The following RAPGEF4 variants were observed in gnomAD, a reference collection of about 807,000 sequenced individuals.
The protein encoded by RAPGEF4 is Rap guanine nucleotide exchange factor 4, also known as RAP guanine-nucleotide-exchange factor (GEF) 4.
RAPGEF4 carries 66 observed loss-of-function variants against 147.9 expected under a neutral mutation model. The ratio of observed to expected loss-of-function variants is 0.45; its 90% CI spans 0.37 to 0.55. The LOEUF (loss-of-function observed/expected upper bound fraction) is 0.55. RAPGEF4 is among the 20% of genes least tolerant of loss of function. RAPGEF4 has a pLI of 0.00. For synonymous variants in RAPGEF4, 419 were observed against 442.7 expected, an observed-to-expected ratio of 0.95 and a Z score of 0.67; for missense variants, 1,071 against 1,257.3, an observed-to-expected ratio of 0.85 and a Z score of 2.24.
At chr2:173,025,615 G>C (rs1393130408) in intron 23 of RAPGEF4, among the ~76,000 whole-genome samples, 1 of 152,082 alleles carries the variant, frequency 6.6e-6, no homozygotes, top group African/African-American at 2.4e-5. Context: ...GCTAATTTTT[G>C]TATTTTCAGT....
intron 1 of RAPGEF4, among the ~76,000 whole-genome samples, chr2:172,774,856 A>G (rs562647345): frequency 4.0e-4 from 61 of 152,336 alleles, no homozygotes; most frequent in African/African-American, 1.4e-3. Flanking sequence ...CATGCTAGAC[A>G]TGTACCAGTA....
intron 3 of RAPGEF4, among the ~76,000 whole-genome samples, chr2:172,800,303 C>T (rs1686839786): frequency 1.3e-5 from 2 of 152,180 alleles, no homozygotes; most frequent in South Asian, 2.1e-4. Flanking sequence ...CCCAGCTTTC[C>T]AGCCAGTTCT....
intron 4 of RAPGEF4, among the ~76,000 whole-genome samples, chr2:172,852,847 A>G (rs1693011994): frequency 6.6e-6 from 1 of 152,104 alleles, no homozygotes; most frequent in African/African-American, 2.4e-5. Context: ...AATGTTGTCA[A>G]ATGCTGTTTC....
At chr2:172,947,581 C>CT (rs1325512294) in intron 6 of RAPGEF4, among the ~76,000 whole-genome samples, 1 of 152,110 alleles carries the variant, frequency 6.6e-6, no homozygotes, top group Non-Finnish European at 1.5e-5. Flanking sequence ...TATGCATTCT[C>CT]TTTTTTCCTT....
In RAPGEF4 at chr2:172,929,429, A is replaced by G. The variant is rs1319521308; in HGVS notation, c.537+7129A>G. Among the ~76,000 whole-genome samples, 3 of 152,328 alleles carry G rather than the reference A, an allele frequency of 2.0e-5. No homozygotes were observed. The East Asian group carries it at 5.8e-4, about 29-fold the overall frequency. The stretch of plus-strand genomic sequence containing the variant: ...ACACATAATATATATAGACACATAC[A>G]TATGTATTTGTACATGTATAAATAT... On this transcript the variant is annotated intron_variant, in intron 6 of 30. Transcript: ENST00000397081.
intron 1 of RAPGEF4, among the ~76,000 whole-genome samples, chr2:172,744,583 A>G (rs909773691): frequency 6.6e-6 from 1 of 152,238 alleles, no homozygotes; most frequent in Non-Finnish European, 1.5e-5. Flanking sequence ...TAGTTACTTT[A>G]TAGATTCATT....
intron 4 of RAPGEF4, among the ~76,000 whole-genome samples, chr2:172,835,541 T>C (rs1444696998): frequency 6.6e-6 from 1 of 152,172 alleles, no homozygotes; most frequent in Non-Finnish European, 1.5e-5. Flanking sequence ...TTCTCACCTG[T>C]AAAGTGAGAT....
chr2:172,811,996 C>T (rs1688070366), intron 3 of RAPGEF4, among the ~76,000 whole-genome samples: 1 of 152,164 alleles, frequency 6.6e-6, no homozygotes, highest in Non-Finnish European at 1.5e-5. Flanking sequence ...TTTCTCTGTG[C>T]CCAATTATCC....
At chr2:172,819,397 G>A (rs916406102) in intron 4 of RAPGEF4, among the ~76,000 whole-genome samples, 4 of 148,794 alleles carry the variant, frequency 2.7e-5, no homozygotes, top group Non-Finnish European at 6.0e-5. Flanking sequence ...ATTGGAGACA[G>A]TATGTTTCTG....
At chr2:172,800,051 A>G (rs1325837124) in intron 3 of RAPGEF4, among the ~76,000 whole-genome samples, 2 of 152,208 alleles carry the variant, frequency 1.3e-5, no homozygotes, top group Non-Finnish European at 2.9e-5. Context: ...AGATTTACCT[A>G]TAATTTTGAC....
intron 1 of RAPGEF4, among the ~76,000 whole-genome samples, chr2:172,747,646 G>T (rs1205797215): frequency 6.6e-6 from 1 of 152,040 alleles, no homozygotes; most frequent in Non-Finnish European, 1.5e-5. Flanking sequence ...TTTATTTTTA[G>T]TAGAGACATG....
intron 12 of RAPGEF4, among the ~76,000 whole-genome samples, chr2:172,986,303 C>T (rs1692243695): frequency 6.6e-6 from 1 of 152,236 alleles, no homozygotes; most frequent in African/African-American, 2.4e-5. Context: ...ACACATAGAA[C>T]ACTTTTTGCA....
intron 6 of RAPGEF4, among the ~76,000 whole-genome samples, chr2:172,955,640 A>G (rs896886748): frequency 5.9e-5 from 9 of 152,192 alleles, no homozygotes; most frequent in African/African-American, 1.4e-4. Flanking sequence ...AGAGGGGTCC[A>G]TGCCTTTCGG....
chr2:172,960,451 T>A (rs998447898), intron 6 of RAPGEF4, among the ~76,000 whole-genome samples: 2 of 152,188 alleles, frequency 1.3e-5, no homozygotes, highest in African/African-American at 4.8e-5. Context: ...TCTGCTCTGA[T>A]GTTTGTTAGG....
intron 1 of RAPGEF4, among the ~76,000 whole-genome samples, chr2:172,793,073 T>G (rs951511434): frequency 3.3e-5 from 5 of 152,180 alleles, no homozygotes. Flanking sequence ...GAACAATCCT[T>G]CTTGTCTCTT....
At chr2:172,791,416 G>T (rs10206140) in intron 1 of RAPGEF4, among the ~76,000 whole-genome samples, 3 of 151,976 alleles carry the variant, frequency 2.0e-5, no homozygotes, top group African/African-American at 4.8e-5. Flanking sequence ...CGATAAAGGA[G>T]GTCCCAGACA....
intron 6 of RAPGEF4, among the ~76,000 whole-genome samples, chr2:172,922,828 G>A (rs1684901393): frequency 6.6e-6 from 1 of 152,190 alleles, no homozygotes; most frequent in Non-Finnish European, 1.5e-5. Flanking sequence ...ATTTCACCAA[G>A]AAATAGCAAG....
intron 1 of RAPGEF4, among the ~76,000 whole-genome samples, chr2:172,770,983 T>C (rs1195784097): frequency 2.0e-5 from 3 of 152,182 alleles, no homozygotes; most frequent in African/African-American, 7.2e-5. Flanking sequence ...AATGTAATAC[T>C]TTCAGTTGTT....
intron 1 of RAPGEF4, among the ~76,000 whole-genome samples, chr2:172,778,069 T>C (rs1169358134): frequency 2.0e-5 from 3 of 152,228 alleles, no homozygotes; most frequent in African/African-American, 4.8e-5. Context: ...GCATCAGATG[T>C]AGATATTATC....
Sources: allele counts gnomAD v4.1 joint callset (sites outside exome capture counted in the v4.1 genomes callset), GRCh38; gene constraint gnomAD v4.1.1; transcripts MANE v1.5; gene names NCBI Gene and HGNC (gene_info 2026-07-23, HGNC 2026-07-21).